The following RANBP17 variants were observed in gnomAD, a reference collection of about 807,000 sequenced individuals.
RANBP17 encodes ran-binding protein 17.
RANBP17 carries 158 observed loss-of-function variants against 141.2 expected under a neutral mutation model. The observed-to-expected ratio is 1.12, with a 90% confidence interval of 0.98 to 1.28. The LOEUF (loss-of-function observed/expected upper bound fraction) is 1.28, where lower values mean the gene tolerates loss of function less well. RANBP17 is among the 50% of genes most tolerant of loss of function. The pLI is 0.00. For synonymous variants in RANBP17, 430 were observed against 450.0 expected, an observed-to-expected ratio of 0.96 and a Z score of 0.56; for missense variants, 1,438 against 1,290.7, an observed-to-expected ratio of 1.11 and a Z score of -1.75.
chr5:170,997,076 A>G (rs962251333), intron 14 of RANBP17, among the ~76,000 whole-genome samples: 1 of 152,142 alleles, frequency 6.6e-6, no homozygotes, highest in African/African-American at 2.4e-5. Context: ...TTCTCGTGAT[A>G]GTGAGTGAGT....
intron 21 of RANBP17, among the ~76,000 whole-genome samples, chr5:171,220,379 C>T (rs1015517344): frequency 1.5e-4 from 22 of 150,820 alleles, no homozygotes; most frequent in Admixed American, 5.9e-4. Context: ...GCATTGGTCT[C>T]GCTGGGAGCT....
At chr5:171,064,270 C>G (rs925532339) in intron 14 of RANBP17, among the ~76,000 whole-genome samples, 3 of 152,208 alleles carry the variant, frequency 2.0e-5, no homozygotes, top group African/African-American at 7.2e-5. Flanking sequence ...ACGCTGGGAG[C>G]TGTAGATGGG....
chr5:171,247,677 G>A (rs905385724), intron 24 of RANBP17, among the ~76,000 whole-genome samples: 2 of 152,076 alleles, frequency 1.3e-5, no homozygotes, highest in African/African-American at 4.8e-5. Flanking sequence ...CAGACACCAA[G>A]CACAGTGTCT....
intron 14 of RANBP17, among the ~76,000 whole-genome samples, chr5:171,091,763 G>A (rs1276309504): frequency 6.6e-6 from 1 of 152,168 alleles, no homozygotes; most frequent in East Asian, 1.9e-4. Flanking sequence ...CCTTACACAA[G>A]TTCCTCTCTT....
intron 14 of RANBP17, among the ~76,000 whole-genome samples, chr5:171,029,356 G>T (rs969539249): frequency 6.6e-6 from 1 of 152,060 alleles, no homozygotes. Context: ...TATTTTATGC[G>T]TAAGAGTTTA....
intron 12 of RANBP17, chr5:170,924,998 GT>G (rs1349386012): frequency 6.6e-6 from 1 of 151,850 alleles, no homozygotes; most frequent in Non-Finnish European, 1.5e-5. Flanking sequence ...TCTTTATTTT[GT>G]TTTTAACCCT....
chr5:171,033,561 A>C (rs932054236), intron 14 of RANBP17, among the ~76,000 whole-genome samples: 1 of 152,196 alleles, frequency 6.6e-6, no homozygotes, highest in South Asian at 2.1e-4. Context: ...TTATATGTAA[A>C]GTGTTTTATA....
At chr5:171,195,023 T>C (rs1345712482) in intron 18 of RANBP17, among the ~76,000 whole-genome samples, 1 of 152,120 alleles carries the variant, frequency 6.6e-6, no homozygotes, top group Non-Finnish European at 1.5e-5. Context: ...ACAGCGGAGG[T>C]GATTAGCTTT....
At chr5:171,296,101 C>A (rs987053965) in intron 27 of RANBP17, 87 bp downstream of exon 27, 16 of 1,322,534 alleles carry the variant, frequency 1.2e-5, no homozygotes, top group Non-Finnish European at 1.7e-5. Context: ...ACACAGCTCA[C>A]ACATGGATGT....
chr5:170,936,421 G>A (rs1416739417), intron 12 of RANBP17, among the ~76,000 whole-genome samples: 2 of 152,050 alleles, frequency 1.3e-5, no homozygotes, highest in Non-Finnish European at 2.9e-5. Flanking sequence ...CCACCAAGCC[G>A]CTGTTTTATT....
chr5:170,960,015 G>A (rs1776018757), intron 13 of RANBP17, among the ~76,000 whole-genome samples: 1 of 152,072 alleles, frequency 6.6e-6, no homozygotes, highest in South Asian at 2.1e-4. Context: ...TTCAAAGAGG[G>A]CTCCTCTGAC....
intron 24 of RANBP17, among the ~76,000 whole-genome samples, chr5:171,262,559 C>G (rs919294): frequency 0.12 from 18,513 of 151,746 alleles, 1,443 homozygotes; most frequent in East Asian, 0.21. Context: ...TATGGAGTAC[C>G]ATGTGATATT....
At chr5:171,263,862 A>G (rs1766499193) in intron 24 of RANBP17, among the ~76,000 whole-genome samples, 3 of 152,156 alleles carry the variant, frequency 2.0e-5, no homozygotes, top group Non-Finnish European at 4.4e-5. Flanking sequence ...CAGGAGTTCA[A>G]GGCCAGCCTG....
Position 171,031,922 on chromosome 5 carries a change from GCGTCCA to G in RANBP17, c.1710+63547_1710+63552del, listed in dbSNP as rs531624606. On this transcript the variant is annotated intron_variant, in intron 14 of 27. Coordinates refer to ENST00000523189, the MANE Select transcript of RANBP17 (RefSeq NM_022897.5). ...AGCCACAGAATATTTCAGAAAGGTG[GCGTCCA>G]CTTTATAAAATGTGTCTATGATTGC... 3.2e-3 allele frequency among the ~76,000 whole-genome samples: 493 copies of G among 152,136 alleles called. 2 individuals are homozygous for G. The highest frequency in any genetic ancestry group is 6.9e-3 in the South Asian group (33 of 4,816).
At chr5:170,924,317 A>T (rs1397785551) in intron 11 of RANBP17, 40 bp from the exon 12 acceptor site, 1 of 1,340,386 alleles carries the variant, frequency 7.5e-7, no homozygotes, top group Non-Finnish European at 1.0e-6. Flanking sequence ...AAAGTGCTTC[A>T]CATTCTAATG....
chr5:171,129,970 C>T (rs937562356), intron 14 of RANBP17, among the ~76,000 whole-genome samples: 4 of 152,080 alleles, frequency 2.6e-5, no homozygotes, highest in Non-Finnish European at 4.4e-5. Flanking sequence ...ATTTGTGCAA[C>T]GTGAGAAAAG....
Position 170,924,355 on chromosome 5 carries a change from A to G in RANBP17, c.1275-2A>G. The G allele has an allele frequency of 6.4e-7, 1 of 1,572,178 alleles. No individual in the cohort carries two copies. Among genetic ancestry groups the G allele is most frequent in the East Asian group, 2.3e-5 (1 of 44,062 alleles). ...GTCTGCAAACTTATTCTGTGTTTGC[A>G]GAGATCACTTAGATGATCCACTGGA... is the stretch of plus-strand genomic sequence containing the variant. On this transcript the variant is annotated splice_acceptor_variant, in intron 11 of 27. Coordinates refer to ENST00000523189, the MANE Select transcript of RANBP17 (RefSeq NM_022897.5). LOFTEE classifies it high-confidence loss of function.
At chr5:170,962,914 A>G (rs1022840748) in intron 13 of RANBP17, among the ~76,000 whole-genome samples, 1 of 152,158 alleles carries the variant, frequency 6.6e-6, no homozygotes, top group Admixed American at 6.5e-5. Flanking sequence ...GTTTTTAAAA[A>G]TTTTCGTATG....
chr5:171,099,593 T>C (rs140297513), intron 14 of RANBP17, among the ~76,000 whole-genome samples: 1 of 152,330 alleles, frequency 6.6e-6, no homozygotes, highest in Non-Finnish European at 1.5e-5. Flanking sequence ...ATACCCCTTA[T>C]TTCTTTCTCT....
Sources: allele counts gnomAD v4.1 joint callset (sites outside exome capture counted in the v4.1 genomes callset), GRCh38; gene constraint gnomAD v4.1.1; transcripts MANE v1.5; gene names NCBI Gene and HGNC (gene_info 2026-07-23, HGNC 2026-07-21).